The following KCNMA1 variants were observed in gnomAD, a reference collection of about 807,000 sequenced individuals.
KCNMA1 encodes the protein Calcium-activated potassium channel subunit alpha-1.
A neutral mutation model predicts 140.0 loss-of-function variants in KCNMA1; 29 were observed. The ratio of observed to expected loss-of-function variants is 0.21; its 90% CI spans 0.15 to 0.28. The LOEUF (loss-of-function observed/expected upper bound fraction) is 0.28, where lower values mean the gene tolerates loss of function less well. Ranked by LOEUF, KCNMA1 falls within the 10% of genes least tolerant of loss-of-function variation. KCNMA1 has a pLI of 1.00. For missense variants in KCNMA1, 880 were observed against 1,602.2 expected (o/e 0.55, Z 7.70); for synonymous variants, 612 against 611.9 (o/e 1.00, Z 0.00).
At chr10:77,428,040 C>A (rs570228359) in intron 1 of KCNMA1, among the ~76,000 whole-genome samples, 1 of 152,240 alleles carries the variant, frequency 6.6e-6, no homozygotes, top group African/African-American at 2.4e-5. Flanking sequence ...TGTGAGCCAC[C>A]ATGCCCAGCT....
chr10:77,455,774 GCAATTCC>G (rs746894076), intron 1 of KCNMA1, among the ~76,000 whole-genome samples: 1 of 152,146 alleles, frequency 6.6e-6, no homozygotes, highest in Non-Finnish European at 1.5e-5. Context: ...GAGCCAGAAG[GCAATTCC>G]CTCCCCCATC....
chr10:76,888,499 A>G (rs1380900659), intron 27 of KCNMA1, among the ~76,000 whole-genome samples: 1 of 152,212 alleles, frequency 6.6e-6, no homozygotes, highest in Non-Finnish European at 1.5e-5. Flanking sequence ...AGCAGGGATG[A>G]GAAACGCTTG....
At chr10:77,552,370 T>C (rs1408563159) in intron 1 of KCNMA1, among the ~76,000 whole-genome samples, 2 of 152,210 alleles carry the variant, frequency 1.3e-5, no homozygotes, top group Non-Finnish European at 2.9e-5. Context: ...ATCCTCTGGG[T>C]CTGCTTCCTC....
At chr10:77,220,709 C>T (rs2154188907) in intron 3 of KCNMA1, among the ~76,000 whole-genome samples, 1 of 152,228 alleles carries the variant, frequency 6.6e-6, no homozygotes, top group African/African-American at 2.4e-5. Flanking sequence ...TAAAAATCCC[C>T]AAGCTCTTGG....
chr10:76,950,203 T>A (rs935523864), intron 21 of KCNMA1, among the ~76,000 whole-genome samples: 5 of 152,182 alleles, frequency 3.3e-5, no homozygotes, highest in Non-Finnish European at 5.9e-5. Context: ...TTATATGACT[T>A]ATTACAGAAA....
chr10:77,030,857 T>C (rs2093884065), intron 15 of KCNMA1, among the ~76,000 whole-genome samples: 2 of 152,176 alleles, frequency 1.3e-5, no homozygotes, highest in Admixed American at 1.3e-4. Flanking sequence ...TACAATGCCT[T>C]ATAGAAGCCC....
At chr10:76,899,221 T>A (rs1589898338) in intron 25 of KCNMA1, among the ~76,000 whole-genome samples, 1 of 152,226 alleles carries the variant, frequency 6.6e-6, no homozygotes, top group East Asian at 1.9e-4. Flanking sequence ...CCAGTAAAAT[T>A]GTTGTTTGAC....
chr10:76,951,502 C>T (rs1015692622), intron 21 of KCNMA1, among the ~76,000 whole-genome samples: 1 of 152,204 alleles, frequency 6.6e-6, no homozygotes, highest in African/African-American at 2.4e-5. Flanking sequence ...GCTTTAAATA[C>T]ACTGTTTCAT....
chr10:77,064,326 A>G (rs756743806), intron 14 of KCNMA1, among the ~76,000 whole-genome samples: 4 of 152,212 alleles, frequency 2.6e-5, no homozygotes, highest in Non-Finnish European at 5.9e-5. Flanking sequence ...TTCACCAAAC[A>G]TATAAGACAC....
chr10:77,624,161 C>T (rs2092086042), intron 1 of KCNMA1, among the ~76,000 whole-genome samples: 2 of 152,132 alleles, frequency 1.3e-5, no homozygotes, highest in South Asian at 2.1e-4. Flanking sequence ...TCCAAGGCTG[C>T]GTTTTGGGGC....
At chr10:77,308,779 T>G (rs1336800494) in intron 2 of KCNMA1, among the ~76,000 whole-genome samples, 3 of 152,176 alleles carry the variant, frequency 2.0e-5, no homozygotes, top group Non-Finnish European at 4.4e-5. Context: ...GCTGGAGGAC[T>G]CAAAACTGTG....
intron 2 of KCNMA1, among the ~76,000 whole-genome samples, chr10:77,367,696 C>A (rs1035952269): frequency 6.6e-6 from 1 of 152,178 alleles, no homozygotes; most frequent in South Asian, 2.1e-4. Context: ...CTTGCATTAT[C>A]CTTTATGATC....
At chr10:77,001,324 A>T (rs2086368516) in intron 19 of KCNMA1, 83 bp downstream of exon 19, 2 of 1,326,072 alleles carry the variant, frequency 1.5e-6, no homozygotes, top group Non-Finnish European at 1.1e-6. Flanking sequence ...CGACTGACTC[A>T]GAACCACAGG....
intron 2 of KCNMA1, among the ~76,000 whole-genome samples, chr10:77,383,574 T>C (rs1280284945): frequency 2.6e-5 from 4 of 151,972 alleles, no homozygotes; most frequent in African/African-American, 7.2e-5. Context: ...TTTTTAAAAG[T>C]AAAAAGAAAA....
intron 1 of KCNMA1, among the ~76,000 whole-genome samples, chr10:77,591,249 G>A (rs1161719761): frequency 6.6e-6 from 1 of 152,212 alleles, no homozygotes; most frequent in Admixed American, 6.5e-5. Flanking sequence ...GAGGCCAGGT[G>A]CCAGCAGGGC....
At chr10:77,149,175 T>C (rs535145143) in intron 5 of KCNMA1, among the ~76,000 whole-genome samples, 6 of 152,330 alleles carry the variant, frequency 3.9e-5, no homozygotes, top group Non-Finnish European at 7.4e-5. Context: ...GGACAGTGAT[T>C]CACATCTCTG....
chr10:77,573,688 G>T (rs1389138221), intron 1 of KCNMA1, among the ~76,000 whole-genome samples: 1 of 150,170 alleles, frequency 6.7e-6, no homozygotes, highest in East Asian at 2.0e-4. Flanking sequence ...GAATAGAATA[G>T]AATAGAATAG....
At chr10:76,972,361 T>C (rs879276230) in intron 19 of KCNMA1, among the ~76,000 whole-genome samples, 3 of 152,208 alleles carry the variant, frequency 2.0e-5, no homozygotes, top group East Asian at 1.9e-4. Flanking sequence ...ACACAATGAA[T>C]CTAGATGAGT....
chr10:77,103,156 T>C (rs2097134946), intron 9 of KCNMA1, among the ~76,000 whole-genome samples: 1 of 152,242 alleles, frequency 6.6e-6, no homozygotes, highest in Non-Finnish European at 1.5e-5. Context: ...CTTTAAAATA[T>C]GAGCATTTAC....
Sources: gnomAD v4.1 joint callset for allele counts (sites outside exome capture counted in the v4.1 genomes callset) on GRCh38, gnomAD v4.1.1 for gene constraint, MANE v1.5 for transcripts, NCBI Gene and HGNC (gene_info 2026-07-23, HGNC 2026-07-21) for gene names.